NOTO: variants seen among roughly 807,000 people sequenced by gnomAD.
NOTO encodes the protein homeobox protein notochord.
Under a neutral mutation model 20.5 loss-of-function variants are expected in NOTO, and 19 were observed. The observed-to-expected ratio is 0.93, with a 90% CI of 0.65 to 1.36. The LOEUF (loss-of-function observed/expected upper bound fraction) is 1.36. Ranked by LOEUF, NOTO falls within the 40% of genes most tolerant of loss-of-function variation. The pLI is 0.00. For missense variants in NOTO, 369 were observed against 336.2 expected (o/e 1.10, Z -0.76); for synonymous variants, 150 against 150.2 (o/e 1.00, Z 0.01).
rs1380642110 is a variant in NOTO at position 73,203,224 on chromosome 2, G to C, written c.382+176G>C. ...GCAGTTGAAGCCGAGGACCGCGACA[G>C]TCTTGCTGAAAAAGACCCCGGCGCG... On this transcript the variant is annotated intron_variant, in intron 1 of 2. Transcript: ENST00000398468. 3.3e-5 allele frequency among the ~76,000 whole-genome samples: 5 copies of C among 152,218 alleles called. No homozygotes were observed. The East Asian group carries it at 9.6e-4, about 29-fold the overall frequency.
chr2:73,206,699 T>C (rs566834561), intron 1 of NOTO, among the ~76,000 whole-genome samples: 1 of 151,178 alleles, frequency 6.6e-6, no homozygotes, highest in Non-Finnish European at 1.5e-5. Context: ...ATTTTACATG[T>C]GAGGAAATCA....
At position 73,202,798 on chromosome 2, in the gene NOTO, C is replaced by T. The variant is rs1686022591; in HGVS notation, c.132C>T (p.Arg44=). ...TGPNTPRAPG[R]FESPFSVEAI... ...CGAACACGCCCCGCGCTCCCGGACG[C>T]TTCGAGTCCCCTTTCTCGGTCGAGG... The change falls in exon 1 of 3, where the codon CGC becomes CGT. Residue 44 remains arginine, a synonymous_variant. Coordinates refer to ENST00000398468, the MANE Select transcript of NOTO (RefSeq NM_001134462.2). 6.6e-6 allele frequency: 10 copies of T among 1,526,400 alleles called. 1 individual carries two copies. In the Admixed American group the frequency reaches 1.4e-4, roughly 21 times the overall value. The allele number at this position is 1,526,400 out of a possible 1,614,324, so 94.6% of individuals were successfully genotyped here. A position where few individuals can be genotyped will look rare whatever the true frequency, so the allele number is the denominator to read the frequency against.
At chr2:73,207,522 C>G (rs1323126928) in intron 1 of NOTO, among the ~76,000 whole-genome samples, 1 of 152,138 alleles carries the variant, frequency 6.6e-6, no homozygotes, top group Non-Finnish European at 1.5e-5. Flanking sequence ...ATTCCCGTGG[C>G]TTAAAATACC....
rs1254360846 is a variant in NOTO, at chr2:73,202,841, G to A, written c.175G>A (p.Asp59Asn). The stretch of plus-strand genomic sequence containing the variant: ...GGTCGAGGCCATCCTGGCGAGGCCC[G>A]ACCCCTGCGCGCCGGCGGCCTCCCA... Reference protein sequence around the residue: ...FSVEAILARPDPCAPAASQPS... With the variant: ...FSVEAILARPNPCAPAASQPS... Residue 59 changes from aspartate (D) to asparagine (N), a missense_variant, in exon 1 of 3, where the codon GAC becomes AAC. Coordinates refer to ENST00000398468, the MANE Select transcript of NOTO (RefSeq NM_001134462.2). The A allele has an allele frequency of 5.9e-6, 9 of 1,524,872 alleles. No homozygotes were observed. The highest frequency in any genetic ancestry group is 6.1e-6 in the Non-Finnish European group (7 of 1,141,748). 94.5% of individuals were successfully genotyped at this position (1,524,872 alleles called of 1,614,324 possible).
Position 73,203,893 on chromosome 2 carries a change from G to A in NOTO, c.382+845G>A, listed in dbSNP as rs1367689619. On this transcript the variant is annotated intron_variant, in intron 1 of 2. Coordinates refer to ENST00000398468, the MANE Select transcript of NOTO (RefSeq NM_001134462.2). ...AGACGGGCGGATCACGAGGTCAGGA[G>A]ATCGAGACCATCCTGGCTAACACGG... Among the ~76,000 whole-genome samples, 2 of 136,626 alleles carry A rather than the reference G, an allele frequency of 1.5e-5. 1 individual carries two copies. Among genetic ancestry groups the A allele is most frequent in the South Asian group, 4.5e-4 (2 of 4,448 alleles). 89.6% of individuals were successfully genotyped at this position (136,626 alleles called of 152,430 possible).
At position 73,202,943 on chromosome 2, in the gene NOTO, G is replaced by T. The variant is rs1412531141; in HGVS notation, c.277G>T (p.Ala93Ser). 1 of 1,517,180 alleles carries T rather than the reference G, an allele frequency of 6.6e-7. No homozygotes were observed. The highest frequency in any genetic ancestry group is 2.0e-5 in the Admixed American group (1 of 48,790). The allele number at this position is 1,517,180 out of a possible 1,614,324, so 94.0% of individuals were successfully genotyped here. The change falls in exon 1 of 3, where the codon GCT (alanine) becomes TCT (serine). Residue 93 changes from alanine (A) to serine (S), a missense_variant. Transcript: ENST00000398468. The stretch of plus-strand genomic sequence containing the variant: ...GTGCGCCACCGGGGGTCTGCCCTGG[G>T]CTTGCCCGACATCGTGGCTGCCCGC... ...SLCATGGLPWACPTSWLPAYL... is the reference protein window; with the variant it reads ...SLCATGGLPWSCPTSWLPAYL...
Position 73,202,809 on chromosome 2 carries a change from C to A in NOTO, c.143C>A (p.Pro48His), listed in dbSNP as rs1350503915. 3 of 1,526,334 alleles carry A rather than the reference C, an allele frequency of 2.0e-6. No homozygotes were observed. The highest frequency in any genetic ancestry group is 2.6e-6 in the Non-Finnish European group (3 of 1,142,568). 94.5% of individuals were successfully genotyped at this position (1,526,334 alleles called of 1,614,324 possible). A position where few individuals can be genotyped will look rare whatever the true frequency, so the allele number is the denominator to read the frequency against. The change falls in exon 1 of 3, where the codon CCT (proline) becomes CAT (histidine). Residue 48 changes from proline to histidine, a missense_variant. By Grantham distance (77) the Pro-to-His change is moderately conservative. Transcript: ENST00000398468. ...TPRAPGRFES[P>H]FSVEAILARP... The stretch of plus-strand genomic sequence containing the variant: ...CGCGCTCCCGGACGCTTCGAGTCCC[C>A]TTTCTCGGTCGAGGCCATCCTGGCG...
chr2:73,210,234 A>T (rs1686160239), intron 2 of NOTO, among the ~76,000 whole-genome samples: 1 of 151,690 alleles, frequency 6.6e-6, no homozygotes, highest in African/African-American at 2.4e-5. Context: ...TTCTCCTCTC[A>T]CTGTCATCCG....
chr2:73,206,526 A>G (rs1338947641), intron 1 of NOTO, among the ~76,000 whole-genome samples: 1 of 152,010 alleles, frequency 6.6e-6, no homozygotes, highest in Non-Finnish European at 1.5e-5. Flanking sequence ...TTTTGTAGAG[A>G]TAGGGTTTTA....
intron 2 of NOTO, among the ~76,000 whole-genome samples, chr2:73,210,455 CTT>C (rs1227807843): frequency 1.3e-5 from 2 of 152,182 alleles, no homozygotes; most frequent in Non-Finnish European, 2.9e-5. Context: ...TTACATAGCT[CTT>C]TGTTTGTTTA....
At chr2:73,206,486 G>A (rs1379647180) in intron 1 of NOTO, among the ~76,000 whole-genome samples, 1 of 152,048 alleles carries the variant, frequency 6.6e-6, no homozygotes, top group Non-Finnish European at 1.5e-5. Context: ...CTACAGTTGT[G>A]CACCACCACA....
chr2:73,206,419 A>G (rs1686089351), intron 1 of NOTO, among the ~76,000 whole-genome samples: 1 of 151,086 alleles, frequency 6.6e-6, no homozygotes, highest in African/African-American at 2.4e-5. Context: ...GCTCACTACA[A>G]CCTCTGCCTC....
rs551153753 is a variant in NOTO at position 73,208,472 on chromosome 2, C to T, written c.455C>T (p.Thr152Ile). Residue 152 changes from threonine to isoleucine, a missense_variant, in exon 2 of 3, where the codon ACT becomes ATT. Physicochemically the swap from Thr to Ile is moderately conservative, Grantham distance 89. Transcript: ENST00000398468. ...GCCCCAACGGAGGACCTACAGGACA[C>T]TGAGAGACAGCAAAAGAGAGTCCGA... is the stretch of plus-strand genomic sequence containing the variant. ...DWAPTEDLQDTERQQKRVRTM... is the reference protein window; with the variant it reads ...DWAPTEDLQDIERQQKRVRTM... 5.2e-6 allele frequency: 8 copies of T among 1,551,626 alleles called. No homozygotes were observed. In the South Asian group the frequency reaches 9.5e-5, roughly 18 times the overall value.
intron 1 of NOTO, among the ~76,000 whole-genome samples, chr2:73,204,874 T>TTTTTTC (rs1686066914): frequency 1.5e-5 from 1 of 65,294 alleles, no homozygotes; most frequent in Non-Finnish European, 2.9e-5. Flanking sequence ...CGGCTAATTT[T>TTTTTTC]TTTTATTTTT....
At chr2:73,205,413 G>A (rs1452045426) in intron 1 of NOTO, among the ~76,000 whole-genome samples, 1 of 152,036 alleles carries the variant, frequency 6.6e-6, no homozygotes, top group Non-Finnish European at 1.5e-5. Context: ...TGGGAGGATT[G>A]CTTGTGCCTG....
chr2:73,203,152 A>T, intron 1 of NOTO, 104 bp downstream of exon 1: 5 of 1,011,158 alleles, frequency 4.9e-6, no homozygotes, highest in South Asian at 2.4e-5. Context: ...TGAGTGTGAG[A>T]ATCACACACG....
chr2:73,202,872 C>G lies in NOTO; in HGVS notation c.206C>G (p.Ser69Trp). The change falls in exon 1 of 3, where the codon TCG becomes TGG. Residue 69 changes from serine to tryptophan, a missense_variant. Coordinates refer to ENST00000398468, the MANE Select transcript of NOTO (RefSeq NM_001134462.2). ...DPCAPAASQP[S>W]GSACVHPAFW... ...TGCGCGCCGGCGGCCTCCCAGCCGT[C>G]GGGCTCCGCCTGCGTCCACCCGGCC... 2 of 1,526,792 alleles carry G rather than the reference C, an allele frequency of 1.3e-6. No individual in the cohort carries two copies. Among genetic ancestry groups the G allele is most frequent in the East Asian group, 2.5e-5 (1 of 39,384 alleles). The allele number at this position is 1,526,792 out of a possible 1,614,324, so 94.6% of individuals were successfully genotyped here.
chr2:73,206,188 A>T (rs895634328), intron 1 of NOTO, among the ~76,000 whole-genome samples: 4 of 152,112 alleles, frequency 2.6e-5, no homozygotes, highest in Non-Finnish European at 4.4e-5. Context: ...TTGGGTATGG[A>T]TCCAGCTTAA....
chr2:73,203,139 C>T (rs1686030997), intron 1 of NOTO, 91 bp downstream of exon 1: 8 of 1,152,534 alleles, frequency 6.9e-6, no homozygotes, highest in Non-Finnish European at 9.1e-6. Flanking sequence ...CAGGAGAGGG[C>T]ACTGAGTGTG....
Sources: allele counts gnomAD v4.1 joint callset (sites outside exome capture counted in the v4.1 genomes callset), GRCh38; gene constraint gnomAD v4.1.1; transcripts MANE v1.5; gene names NCBI Gene and HGNC (gene_info 2026-07-23, HGNC 2026-07-21).